Variants in UMOD observed in about 807,000 individuals in gnomAD.
The protein encoded by UMOD is uromodulin.
In UMOD, 64 loss-of-function variants were observed where a neutral mutation model predicts 66.0. The ratio of observed to expected loss-of-function variants is 0.97; its 90% CI spans 0.79 to 1.19. The LOEUF is 1.19. Ranked by LOEUF, UMOD falls within the 50% of genes most tolerant of loss-of-function variation. The pLI is 0.00. For synonymous variants in UMOD, 398 were observed against 352.7 expected (o/e 1.13, Z -1.44); for missense variants, 764 against 850.9 (o/e 0.90, Z 1.27).
At chr16:20,346,452 C>G in intron 4 of UMOD, 118 bp from the exon 5 acceptor site, 1 of 985,050 alleles carries the variant, frequency 1.0e-6, no homozygotes, top group Non-Finnish European at 1.6e-6. Flanking sequence ...TCAGCATAGC[C>G]TTGAGCTGAT....
chr16:20,349,841 C>T (rs960461166), intron 2 of UMOD: 1 of 1,549,472 alleles, frequency 6.5e-7, no homozygotes. Context: ...TCCTCCAACT[C>T]CACCTGGCTG....
At position 20,333,326 on chromosome 16, in the gene UMOD, C is replaced by T; in HGVS notation, c.1911G>A (p.Leu637=). Residue 637 remains leucine (L), a synonymous_variant, in exon 11 of 11, where the codon CTG becomes CTA. Coordinates refer to ENST00000396138, the MANE Select transcript of UMOD (RefSeq NM_003361.4). Reference sequence around the variant, plus strand: ...TTTCCGCTGTCAGTCACTGAAAAGTCAGGGTCAAGGTGGCCGAGAGAAGCA... The same window carrying T: ...TTTCCGCTGTCAGTCACTGAAAAGTTAGGGTCAAGGTGGCCGAGAGAAGCA... ...LPLLLSATLT[L]TFQ 2 of 1,613,222 alleles carry T rather than the reference C, an allele frequency of 1.2e-6. No individual in the cohort carries two copies. The highest frequency in any genetic ancestry group is 1.7e-6 in the Non-Finnish European group (2 of 1,179,766).
intron 10 of UMOD, 59 bp downstream of exon 10, chr16:20,335,423 T>C: frequency 3.2e-6 from 5 of 1,558,368 alleles, no homozygotes; most frequent in Non-Finnish European, 4.4e-6. Flanking sequence ...AGTTAACAGA[T>C]AGAAGCCCCC....
upstream of UMOD, chr16:20,352,743 T>G: frequency 8.1e-7 from 1 of 1,231,670 alleles, no homozygotes; most frequent in East Asian, 3.2e-5. Flanking sequence ...TACTTATATA[T>G]ACACATTTGC....
intron 9 of UMOD, among the ~76,000 whole-genome samples, chr16:20,335,984 G>A (rs1964846188): frequency 6.6e-6 from 1 of 152,196 alleles, no homozygotes; most frequent in South Asian, 2.1e-4. Flanking sequence ...TTAGTTTATA[G>A]TTTAAAACAA....
intron 5 of UMOD, among the ~76,000 whole-genome samples, chr16:20,345,018 T>A (rs1965464904): frequency 6.6e-6 from 1 of 152,214 alleles, no homozygotes; most frequent in African/African-American, 2.4e-5. Flanking sequence ...TATTTCTTTT[T>A]GTTTGTTTGT....
rs778464982 is a variant in UMOD, at chr16:20,349,149, G to T, written c.152C>A (p.Thr51Asn). ...ATCGCCGGTGAAGCCCTCCTGACAG[G>T]TGCACGTCGTAACGGCCTCATCCTC... ...CTEDEAVTTCTCQEGFTGDGL... is the reference protein window; with the variant it reads ...CTEDEAVTTCNCQEGFTGDGL... The change falls in exon 3 of 11, where the codon ACC becomes AAC. Residue 51 changes from threonine to asparagine, a missense_variant. Physicochemically the swap from Thr to Asn is moderately conservative, Grantham distance 65. Transcript: ENST00000396138. The T allele has an allele frequency of 6.2e-6, 10 of 1,613,992 alleles. No individual in the cohort carries two copies. The highest frequency in any genetic ancestry group is 7.6e-6 in the Non-Finnish European group (9 of 1,180,046).
intron 10 of UMOD, 66 bp downstream of exon 10, chr16:20,335,416 T>C (rs1964813822): frequency 1.3e-6 from 2 of 1,525,034 alleles, no homozygotes; most frequent in African/African-American, 1.4e-5. Context: ...CATTACAAGT[T>C]AACAGATAGA....
chr16:20,345,506 T>TCCCTCCCTCCTTC (rs1567306759), intron 5 of UMOD, among the ~76,000 whole-genome samples: 1 of 29,514 alleles, frequency 3.4e-5, no homozygotes, highest in Non-Finnish European at 7.0e-5. Flanking sequence ...CTCCCTCCCT[T>TCCCTCCCTCCTTC]CCTTCCTTCC....
intron 9 of UMOD, among the ~76,000 whole-genome samples, chr16:20,335,876 A>G (rs1305643864): frequency 6.6e-6 from 1 of 152,216 alleles, no homozygotes; most frequent in Non-Finnish European, 1.5e-5. Context: ...TGACTGAGAC[A>G]GTGAAAGAGA....
At chr16:20,352,998 A>G (rs1419070088), upstream of UMOD, 1 of 333,054 alleles carries the variant, frequency 3.0e-6, no homozygotes, top group Non-Finnish European at 5.4e-6. Flanking sequence ...ATAGTTAGAA[A>G]TTAACTGGGA....
At chr16:20,344,207 G>GGGGGGCCGGGC in intron 5 of UMOD, 35 bp from the exon 6 acceptor site, 1 of 1,360,792 alleles carries the variant, frequency 7.3e-7, no homozygotes, top group Non-Finnish European at 1.0e-6. Flanking sequence ...GGGGGGTGGG[G>GGGGGGCCGGGC]ATGAGAGAAA....
chr16:20,348,218 C>A lies in UMOD; in HGVS notation c.973+5G>T. 6.2e-7 allele frequency: 1 copy of A among 1,612,862 alleles called. No homozygotes were observed. The stretch of plus-strand genomic sequence containing the variant: ...AACAACCCGCTTCCTCCCCACTGGC[C>A]TCACCAGTGATGTTGAAGTCCTGTT... On this transcript the variant is annotated splice_donor_5th_base_variant and intron_variant, in intron 4 of 10. Transcript: ENST00000396138.
chr16:20,349,758 TTA>T lies in UMOD; in HGVS notation c.89-548_89-547del, dbSNP rs1327219200. On this transcript the variant is annotated intron_variant, in intron 2 of 10. Coordinates refer to ENST00000396138, the MANE Select transcript of UMOD (RefSeq NM_003361.4). Reference sequence around the variant, plus strand: ...TTGCCCCTCCCTTTCTTTGCACATTTTATGTTTTCTGCTTCCCTGGCTGGTGA... The same window carrying T: ...TTGCCCCTCCCTTTCTTTGCACATTTTGTTTTCTGCTTCCCTGGCTGGTGA... 3.3e-6 allele frequency: 5 copies of T among 1,530,812 alleles called. No homozygotes were observed. In the South Asian group the frequency reaches 3.7e-5, roughly 11 times the overall value. 94.8% of individuals were successfully genotyped at this position (1,530,812 alleles called of 1,614,324 possible).
chr16:20,336,814 G>T, intron 8 of UMOD, 87 bp from the exon 9 acceptor site: 1 of 1,251,962 alleles, frequency 8.0e-7, no homozygotes. Flanking sequence ...CCACCTCACA[G>T]GTGCCTTCCC....
At position 20,352,674 on chromosome 16, in the gene UMOD, T is replaced by C; in HGVS notation, c.-103+15A>G. ...AGAAGCTGGGCTAGGAGAAGACAGC[T>C]ACAGATAGCCTTACCTGAAGCCAGA... On this transcript the variant is annotated intron_variant, in intron 1 of 10. Transcript: ENST00000396138. The C allele has an allele frequency of 1.6e-6, 2 of 1,231,698 alleles. No individual in the cohort carries two copies. The highest frequency in any genetic ancestry group is 6.3e-5 in the East Asian group (2 of 31,706). The allele number at this position is 1,231,698 out of a possible 1,614,324, so 76.3% of individuals were successfully genotyped here. A position where few individuals can be genotyped will look rare whatever the true frequency, so the allele number is the denominator to read the frequency against.
At position 20,349,066 on chromosome 16, in the gene UMOD, C is replaced by A. The variant is rs965326455; in HGVS notation, c.235G>T (p.Ala79Ser). ...CAIPGAHNCSANSSCVNTPGS... is the reference protein window; with the variant it reads ...CAIPGAHNCSSNSSCVNTPGS... ...GGCGTGTTTACGCAGCTGCTGTTGG[C>A]GGAGCAGTTGTGAGCTCCAGGAATG... Residue 79 changes from alanine to serine, a missense_variant, in exon 3 of 11, where the codon GCC (alanine) becomes TCC (serine). Coordinates refer to ENST00000396138, the MANE Select transcript of UMOD (RefSeq NM_003361.4). 1.9e-6 allele frequency: 3 copies of A among 1,609,702 alleles called. No homozygotes were observed. The highest frequency in any genetic ancestry group is 2.2e-5 in the South Asian group (2 of 90,158).
intron 2 of UMOD, chr16:20,349,963 C>G (rs1437029460): frequency 8.1e-6 from 11 of 1,364,126 alleles, no homozygotes; most frequent in Non-Finnish European, 1.1e-5. Flanking sequence ...ACTTTTCACT[C>G]ACTATCTTGT....
chr16:20,348,530 C>T lies in UMOD; in HGVS notation c.771G>A (p.Leu257=). The change falls in exon 3 of 11, where the codon CTG becomes CTA. Residue 257 remains leucine (L), a synonymous_variant. Transcript: ENST00000396138. ...CCTTCACCTGGACGGACGCATCCCA[C>T]AGGCAGCAGTGGCCGCTCCAGTGCG... is the stretch of plus-strand genomic sequence containing the variant. ...ACAHWSGHCC[L]WDASVQVKAC... 1.9e-6 allele frequency: 3 copies of T among 1,605,262 alleles called. No individual in the cohort carries two copies. The South Asian group carries it at 3.3e-5, about 18-fold the overall frequency.
Sources: gnomAD v4.1 joint callset for allele counts (sites outside exome capture counted in the v4.1 genomes callset) on GRCh38, gnomAD v4.1.1 for gene constraint, MANE v1.5 for transcripts, NCBI Gene and HGNC (gene_info 2026-07-23, HGNC 2026-07-21) for gene names.